The following TMEM178A variants were observed in gnomAD, a reference collection of about 807,000 sequenced individuals.
TMEM178A encodes transmembrane protein 178A, also known as transmembrane protein 178.
A neutral mutation model predicts 29.1 loss-of-function variants in TMEM178A; 12 were observed. The observed-to-expected ratio is 0.41, with a 90% confidence interval of 0.26 to 0.67. The LOEUF is 0.67. Ranked by LOEUF, TMEM178A falls within the 30% of genes least tolerant of loss-of-function variation. The probability of loss-of-function intolerance (pLI) is 0.29; values close to 1 mark genes in which losing one functional copy is unlikely to be tolerated. For missense variants in TMEM178A, 366 were observed against 419.1 expected, an observed-to-expected ratio of 0.87 and a Z score of 1.11; for synonymous variants, 210 against 187.2, an observed-to-expected ratio of 1.12 and a Z score of -0.99.
At chr2:39,730,988 G>A in the TMEM178A span, among the ~76,000 whole-genome samples, 1 of 152,190 alleles carries the variant, frequency 6.6e-6, no homozygotes. Flanking sequence ...CAATAACTGG[G>A]TGTTCAGTAA....
chr2:39,725,504 AC>A, the TMEM178A span, among the ~76,000 whole-genome samples: 1 of 152,098 alleles, frequency 6.6e-6, no homozygotes, highest in African/African-American at 2.4e-5. Flanking sequence ...TTTCCTTTTG[AC>A]AATGGAATGC....
At chr2:39,726,201 G>C in the TMEM178A span, among the ~76,000 whole-genome samples, 1 of 152,164 alleles carries the variant, frequency 6.6e-6, no homozygotes, top group African/African-American at 2.4e-5. Flanking sequence ...TGCTATGAAC[G>C]AAAAATGAGG....
At chr2:39,666,511 G>C (rs867508630) in intron 1 of TMEM178A, 137 bp downstream of exon 1, 1 of 546,602 alleles carries the variant, frequency 1.8e-6, no homozygotes, top group Non-Finnish European at 2.6e-6. Context: ...CCTTCCCGCC[G>C]CCTCCAGTCT....
chr2:39,680,854 T>TATA (rs1670840163), intron 1 of TMEM178A, among the ~76,000 whole-genome samples: 1 of 152,228 alleles, frequency 6.6e-6, no homozygotes. Flanking sequence ...AAGAGAAGTC[T>TATA]ATAATTGTGC....
the TMEM178A span, among the ~76,000 whole-genome samples, chr2:39,731,610 C>T: frequency 1.3e-5 from 2 of 152,180 alleles, no homozygotes; most frequent in South Asian, 4.1e-4. Context: ...GGATATCTAC[C>T]GACATGACCC....
intron 3 of TMEM178A, among the ~76,000 whole-genome samples, chr2:39,713,607 G>C (rs1371507711): frequency 1.3e-5 from 2 of 152,210 alleles, no homozygotes; most frequent in Non-Finnish European, 2.9e-5. Context: ...ACAAGCCAAG[G>C]AGAGAGTCCT....
intron 1 of TMEM178A, among the ~76,000 whole-genome samples, chr2:39,679,392 G>A (rs930802010): frequency 4.3e-5 from 5 of 116,080 alleles, no homozygotes; most frequent in African/African-American, 1.5e-4. Flanking sequence ...AAGGTACTTG[G>A]TGTTAAAAAA....
intron 3 of TMEM178A, among the ~76,000 whole-genome samples, chr2:39,715,868 G>A (rs756517759): frequency 1.3e-5 from 2 of 152,150 alleles, no homozygotes; most frequent in Non-Finnish European, 2.9e-5. Context: ...AATCTCCAAA[G>A]CTATAGGTTA....
Position 39,707,236 on chromosome 2 carries a change from C to A in TMEM178A, c.652+50C>A, listed in dbSNP as rs377298970. On this transcript the variant is annotated intron_variant, in intron 3 of 3. Coordinates refer to ENST00000281961, the MANE Select transcript of TMEM178A (RefSeq NM_152390.3). ...TGTCCCAGCCAAGGTGAAGGCTGCTCTGCATGCGGCTAGCTAGTGTCGCTT... is the reference window on the plus strand; with the variant it reads ...TGTCCCAGCCAAGGTGAAGGCTGCTATGCATGCGGCTAGCTAGTGTCGCTT... 40 of 1,545,750 alleles carry A rather than the reference C, an allele frequency of 2.6e-5. No individual in the cohort carries two copies. In the African/African-American group the frequency reaches 4.3e-4, roughly 17 times the overall value.
intron 2 of TMEM178A, among the ~76,000 whole-genome samples, chr2:39,705,550 C>T (rs916366960): frequency 6.6e-6 from 1 of 152,184 alleles, no homozygotes; most frequent in African/African-American, 2.4e-5. Flanking sequence ...CTGCTCCTGG[C>T]CCCTTATTCA....
the TMEM178A span, among the ~76,000 whole-genome samples, chr2:39,723,744 A>C: frequency 1.3e-5 from 2 of 152,156 alleles, no homozygotes; most frequent in Non-Finnish European, 2.9e-5. Flanking sequence ...ACCTTCCCTA[A>C]GATACTAGCC....
the TMEM178A span, among the ~76,000 whole-genome samples, chr2:39,732,062 T>G: frequency 5.3e-5 from 8 of 152,170 alleles, no homozygotes; most frequent in Admixed American, 1.3e-4. Context: ...ACCATCCATC[T>G]AAACTGATAC....
intron 1 of TMEM178A, among the ~76,000 whole-genome samples, chr2:39,676,898 C>T (rs1395421959): frequency 1.3e-5 from 2 of 152,170 alleles, no homozygotes; most frequent in African/African-American, 4.8e-5. Context: ...GCCCTGAAAG[C>T]CCTGTGCTTT....
downstream of TMEM178A, among the ~76,000 whole-genome samples, chr2:39,721,975 A>T (rs1442904710): frequency 8.5e-6 from 1 of 117,122 alleles, no homozygotes; most frequent in Non-Finnish European, 1.6e-5. Flanking sequence ...TGACAGAGTG[A>T]GACCAGTCTC....
At chr2:39,685,850 A>G (rs948139477) in intron 1 of TMEM178A, among the ~76,000 whole-genome samples, 2 of 152,218 alleles carry the variant, frequency 1.3e-5, no homozygotes, top group Non-Finnish European at 2.9e-5. Flanking sequence ...TAGAATGAAG[A>G]ACATGCCAGG....
chr2:39,705,407 C>T (rs1177607564), intron 2 of TMEM178A, among the ~76,000 whole-genome samples: 1 of 152,198 alleles, frequency 6.6e-6, no homozygotes, highest in Non-Finnish European at 1.5e-5. Context: ...TAGACTATCA[C>T]TCAAACCATA....
At chr2:39,687,365 C>G (rs72934275) in intron 1 of TMEM178A, 6,083 of 166,980 alleles carry the variant, frequency 0.036, 268 homozygotes, top group African/African-American at 0.11. Context: ...AGAGAGATTT[C>G]TGTCTGGAGA....
intron 1 of TMEM178A, among the ~76,000 whole-genome samples, chr2:39,683,503 C>T (rs145471688): frequency 1.3e-5 from 2 of 152,286 alleles, no homozygotes; most frequent in East Asian, 1.9e-4. Context: ...CACAGCTTCC[C>T]TGTCCAGGAT....
At position 39,717,362 on chromosome 2, in the gene TMEM178A, G is replaced by T. The variant is rs775561657; in HGVS notation, c.*111G>T. 3.5e-6 allele frequency: 5 copies of T among 1,430,670 alleles called. No homozygotes were observed. The highest frequency in any genetic ancestry group is 4.7e-6 in the Non-Finnish European group (5 of 1,074,922). The allele number at this position is 1,430,670 out of a possible 1,614,324, so 88.6% of individuals were successfully genotyped here. A position where few individuals can be genotyped will look rare whatever the true frequency, so the allele number is the denominator to read the frequency against. ...TTACATTCCAACCTGTTGCCTGCCA[G>T]CCCTTTCTGGATTACTGATAGAAAA... On this transcript the variant is annotated 3_prime_UTR_variant, in exon 4 of 4. Coordinates refer to ENST00000281961, the MANE Select transcript of TMEM178A (RefSeq NM_152390.3).
Sources: gnomAD v4.1 joint callset for allele counts (sites outside exome capture counted in the v4.1 genomes callset) on GRCh38, gnomAD v4.1.1 for gene constraint, MANE v1.5 for transcripts, NCBI Gene and HGNC (gene_info 2026-07-23, HGNC 2026-07-21) for gene names.